The following KAT6B variants were observed in gnomAD, a reference collection of about 807,000 sequenced individuals.
The protein encoded by KAT6B is histone acetyltransferase KAT6B.
KAT6B carries 10 observed loss-of-function variants against 187.5 expected under a neutral mutation model. The ratio of observed to expected loss-of-function variants is 0.05; its 90% confidence interval spans 0.03 to 0.09. The LOEUF is 0.09. Ranked by LOEUF, KAT6B falls within the 10% of genes least tolerant of loss-of-function variation. KAT6B has a pLI of 1.00. For missense variants in KAT6B, 1,952 were observed against 2,558.9 expected (o/e 0.76, Z 5.12); for synonymous variants, 861 against 926.8 (o/e 0.93, Z 1.29).
intron 13 of KAT6B, among the ~76,000 whole-genome samples, chr10:75,015,745 T>A (rs1054175595): frequency 6.6e-6 from 1 of 152,206 alleles, no homozygotes; most frequent in Non-Finnish European, 1.5e-5. Context: ...AGGTGTCTGA[T>A]GAAAAGTGTG....
intron 3 of KAT6B, among the ~76,000 whole-genome samples, chr10:74,925,417 T>TC (rs1466895058): frequency 1.6e-5 from 2 of 127,656 alleles, no homozygotes; most frequent in African/African-American, 5.7e-5. Context: ...CCCCCCTTTT[T>TC]CCCCCCACAA....
intron 16 of KAT6B, among the ~76,000 whole-genome samples, chr10:75,024,654 A>G (rs1292696106): frequency 6.6e-6 from 1 of 152,260 alleles, no homozygotes; most frequent in Non-Finnish European, 1.5e-5. Flanking sequence ...AGCAAGTACC[A>G]TTGGAAAAAT....
In KAT6B at chr10:75,032,493, T is replaced by G. The variant is rs1208724255; in HGVS notation, c.*1447T>G. 1.1e-5 allele frequency: 2 copies of G among 183,976 alleles called. No homozygotes were observed. The highest frequency in any genetic ancestry group is 8.8e-5 in the East Asian group (1 of 11,346). 11.4% of individuals were successfully genotyped at this position (183,976 alleles called of 1,614,324 possible). On this transcript the variant is annotated 3_prime_UTR_variant, in exon 18 of 18. Transcript: ENST00000287239. ...AGTAATATCTAATAAAACCATCACATATACCAAATACCTATTTAATAAATT... is the reference window on the plus strand; with the variant it reads ...AGTAATATCTAATAAAACCATCACAGATACCAAATACCTATTTAATAAATT...
chr10:74,965,945 C>T (rs1841436858), intron 4 of KAT6B, among the ~76,000 whole-genome samples: 1 of 151,650 alleles, frequency 6.6e-6, no homozygotes, highest in Admixed American at 6.6e-5. Flanking sequence ...CCATGTTAGC[C>T]AGGATGGTCC....
intron 3 of KAT6B, among the ~76,000 whole-genome samples, chr10:74,907,869 C>G (rs1846889291): frequency 6.6e-6 from 1 of 152,116 alleles, no homozygotes; most frequent in Admixed American, 6.6e-5. Flanking sequence ...AATAGTTATT[C>G]CTTTGAACCT....
chr10:74,909,634 G>A (rs190863297), intron 3 of KAT6B, among the ~76,000 whole-genome samples: 1 of 152,264 alleles, frequency 6.6e-6, no homozygotes, highest in East Asian at 1.9e-4. Context: ...TTGGGTTCTG[G>A]ATGGATACTG....
chr10:74,840,528 A>G (rs1229685767), intron 2 of KAT6B, among the ~76,000 whole-genome samples: 8 of 152,212 alleles, frequency 5.3e-5, no homozygotes, highest in Non-Finnish European at 1.2e-4. Flanking sequence ...TGAGCAAGAA[A>G]TTTAGCTAGA....
At chr10:74,911,475 C>T (rs1044790686) in intron 3 of KAT6B, among the ~76,000 whole-genome samples, 2 of 151,970 alleles carry the variant, frequency 1.3e-5, no homozygotes, top group Non-Finnish European at 2.9e-5. Context: ...ACCATGTTGG[C>T]CAGGCTGGTC....
chr10:74,984,358 A>G (rs781131972), intron 11 of KAT6B: 9 of 152,266 alleles, frequency 5.9e-5, no homozygotes, highest in Admixed American at 1.3e-4. Flanking sequence ...TGTGTTTTCT[A>G]TTTTCAAAGA....
chr10:74,870,884 G>GT lies in KAT6B; in HGVS notation c.621+27417dup, dbSNP rs796788129. Among the ~76,000 whole-genome samples the GT allele has an allele frequency of 3.9e-3, 422 of 107,914 alleles. 2 individuals carry two copies. Among genetic ancestry groups the GT allele is most frequent in the African/African-American group, 7.2e-3 (204 of 28,286 alleles). 70.8% of individuals were successfully genotyped at this position (107,914 alleles called of 152,430 possible). ...GAGCCACCATGCCTGGCGTTTTTTT[G>GT]TTTTTTTTTTTGATATGGAGTCTTA... On this transcript the variant is annotated intron_variant, in intron 3 of 17. Transcript: ENST00000287239.
chr10:74,891,510 A>C (rs1223725812), intron 3 of KAT6B, among the ~76,000 whole-genome samples: 2 of 152,218 alleles, frequency 1.3e-5, no homozygotes, highest in Non-Finnish European at 2.9e-5. Flanking sequence ...TAACAGTTTC[A>C]CTAATGTGTC....
chr10:75,030,791 C>G lies in KAT6B; in HGVS notation c.5967C>G (p.Leu1989=). ...CTGTGAACATGAACATGAACACTCT[C>G]AACGCCATGAATGGGTACAGCATGT... ...VNSVNMNMNT[L]NAMNGYSMSQ... is the part of the protein sequence containing the mutation. The change falls in exon 18 of 18, where the codon CTC becomes CTG. Residue 1989 remains leucine (L), a synonymous_variant. Transcript: ENST00000287239. This position sits in a 1 kb window ranked among gnomAD's most constrained non-coding sequence, Gnocchi z 4.8. The G allele has an allele frequency of 6.2e-7, 1 of 1,614,230 alleles. No homozygotes were observed. The highest frequency in any genetic ancestry group is 8.5e-7 in the Non-Finnish European group (1 of 1,180,046).
chr10:74,947,563 A>G (rs1840039748), intron 3 of KAT6B, among the ~76,000 whole-genome samples: 1 of 152,252 alleles, frequency 6.6e-6, no homozygotes, highest in Admixed American at 6.5e-5. Context: ...AGTAATTAAG[A>G]TAAACCAAAC....
chr10:74,826,388 A>AG (rs144274617), upstream of KAT6B, among the ~76,000 whole-genome samples: 1,748 of 151,740 alleles, frequency 0.012, 10 homozygotes, highest in Middle Eastern at 0.017. Flanking sequence ...GTGGTGCCGG[A>AG]GGGGGGGATG....
chr10:74,959,724 A>G (rs565043900), intron 3 of KAT6B, among the ~76,000 whole-genome samples: 126 of 152,344 alleles, frequency 8.3e-4, no homozygotes, highest in Admixed American at 3.6e-3. Flanking sequence ...CGGGAGGTGG[A>G]GGTTGCAATG....
chr10:74,891,590 G>A (rs1845648706), intron 3 of KAT6B, among the ~76,000 whole-genome samples: 4 of 152,164 alleles, frequency 2.6e-5, no homozygotes, highest in Admixed American at 1.3e-4. Flanking sequence ...ATTTAAGCAT[G>A]GCAGTTAACA....
At chr10:75,001,076 C>T (rs984082014) in intron 13 of KAT6B, among the ~76,000 whole-genome samples, 2 of 152,094 alleles carry the variant, frequency 1.3e-5, no homozygotes, top group African/African-American at 2.4e-5. Flanking sequence ...CACACATATA[C>T]AGCCAACCGG....
At chr10:74,849,545 G>A (rs762940723) in intron 3 of KAT6B, among the ~76,000 whole-genome samples, 7 of 152,160 alleles carry the variant, frequency 4.6e-5, no homozygotes, top group Admixed American at 2.0e-4. Context: ...CGCCTGCCTT[G>A]GCATCTCAAA....
At chr10:75,018,903 AC>A (rs1012980061) in intron 13 of KAT6B, among the ~76,000 whole-genome samples, 1 of 151,920 alleles carries the variant, frequency 6.6e-6, no homozygotes, top group African/African-American at 2.4e-5. Flanking sequence ...CAAAGCTGGG[AC>A]CCCCCAGCCT....
Sources: allele counts gnomAD v4.1 joint callset (sites outside exome capture counted in the v4.1 genomes callset), GRCh38; gene constraint gnomAD v4.1.1; non-coding constraint Gnocchi (gnomAD v3.1); transcripts MANE v1.5; gene names NCBI Gene and HGNC (gene_info 2026-07-23, HGNC 2026-07-21).